CLNK: variants seen among roughly 807,000 people sequenced by gnomAD.
CLNK encodes cytokine dependent hematopoietic cell linker, also known as cytokine-dependent hematopoietic cell linker.
Under a neutral mutation model 68.6 loss-of-function variants are expected in CLNK, and 74 were observed. The ratio of observed to expected loss-of-function variants is 1.08; its 90% CI spans 0.89 to 1.31. The LOEUF is 1.31. CLNK is among the 50% of genes most tolerant of loss of function. The pLI is 0.00. For missense variants in CLNK, 553 were observed against 515.3 expected (o/e 1.07, Z -0.71); for synonymous variants, 198 against 172.2 (o/e 1.15, Z -1.17).
At chr4:10,707,232 TA>T in the CLNK span, among the ~76,000 whole-genome samples, 107 of 151,546 alleles carry the variant, frequency 7.1e-4, 1 homozygote, top group Admixed American at 9.9e-4. Context: ...ACTGATGAGC[TA>T]AAAAAAAATC....
chr4:10,673,314 G>A (rs1051987296), intron 1 of CLNK, among the ~76,000 whole-genome samples: 4 of 152,280 alleles, frequency 2.6e-5, no homozygotes, highest in African/African-American at 7.2e-5. Flanking sequence ...CTATGGAACA[G>A]GTTCTTACCC....
At chr4:10,632,993 A>G (rs540588321) in intron 2 of CLNK, among the ~76,000 whole-genome samples, 1 of 152,330 alleles carries the variant, frequency 6.6e-6, no homozygotes, top group East Asian at 1.9e-4. Flanking sequence ...GCCAGAGTGC[A>G]GGGGCGTGAT....
At chr4:10,598,706 A>C (rs1301510639) in intron 2 of CLNK, 1 of 438,896 alleles carries the variant, frequency 2.3e-6, no homozygotes, top group Non-Finnish European at 4.6e-6. Flanking sequence ...GTCATAAAGC[A>C]TCATTGTTAT....
chr4:10,589,427 G>C (rs965501666), intron 3 of CLNK, among the ~76,000 whole-genome samples: 4 of 152,148 alleles, frequency 2.6e-5, no homozygotes, highest in African/African-American at 7.2e-5. Flanking sequence ...CCTCTCAGTG[G>C]GGCCCCAGAG....
chr4:10,581,697 G>A (rs1337317489), intron 4 of CLNK, among the ~76,000 whole-genome samples: 1 of 151,718 alleles, frequency 6.6e-6, no homozygotes, highest in Non-Finnish European at 1.5e-5. Context: ...TGGTTATATG[G>A]AGCTACCACA....
At chr4:10,698,519 A>C in the CLNK span, among the ~76,000 whole-genome samples, 1 of 152,198 alleles carries the variant, frequency 6.6e-6, no homozygotes, top group Non-Finnish European at 1.5e-5. Context: ...CTGTGAAGCT[A>C]ATTTTGTTCT....
chr4:10,539,036 A>G (rs543025474), intron 11 of CLNK, among the ~76,000 whole-genome samples: 3 of 152,358 alleles, frequency 2.0e-5, no homozygotes, highest in Non-Finnish European at 2.9e-5. Context: ...TGCCAGAATC[A>G]TGCTTCCTGT....
chr4:10,672,723 C>A (rs527985628), intron 1 of CLNK, among the ~76,000 whole-genome samples: 92 of 152,198 alleles, frequency 6.0e-4, no homozygotes, highest in African/African-American at 2.2e-3. Context: ...GGGAAAAGCC[C>A]AGGTATGGAC....
Position 10,679,844 on chromosome 4 carries a change from G to A in CLNK, c.-43+4824C>T, listed in dbSNP as rs547618717. 2.7e-3 allele frequency among the ~76,000 whole-genome samples: 408 copies of A among 152,040 alleles called. 2 individuals are homozygous for A. Among genetic ancestry groups the A allele is most frequent in the Middle Eastern group, 0.01 (3 of 294 alleles). ...ACCATCTCACACCAGTTAGAATGGCGATCATTAAAAAGTCAGGAAACAACA... is the reference window on the plus strand; with the variant it reads ...ACCATCTCACACCAGTTAGAATGGCAATCATTAAAAAGTCAGGAAACAACA... On this transcript the variant is annotated intron_variant, in intron 1 of 18. Coordinates refer to ENST00000226951, the MANE Select transcript of CLNK (RefSeq NM_052964.4).
At chr4:10,630,507 A>C (rs1722844217) in intron 2 of CLNK, among the ~76,000 whole-genome samples, 2 of 152,170 alleles carry the variant, frequency 1.3e-5, no homozygotes, top group Admixed American at 1.3e-4. Context: ...TTGTGGATTC[A>C]AAAATTTTGG....
chr4:10,593,087 C>T (rs1251892879), intron 3 of CLNK, among the ~76,000 whole-genome samples: 1 of 152,178 alleles, frequency 6.6e-6, no homozygotes, highest in Non-Finnish European at 1.5e-5. Context: ...TGGAACAACA[C>T]ATTTTCTTCC....
chr4:10,688,701 C>T (rs1725355252), upstream of CLNK, among the ~76,000 whole-genome samples: 1 of 152,112 alleles, frequency 6.6e-6, no homozygotes, highest in Admixed American at 6.6e-5. Context: ...CTTGCAAATA[C>T]AGGCAGGTAA....
At chr4:10,644,674 A>T (rs1577192810) in intron 2 of CLNK, among the ~76,000 whole-genome samples, 1 of 152,220 alleles carries the variant, frequency 6.6e-6, no homozygotes, top group Admixed American at 6.5e-5. Context: ...TGCAATATTT[A>T]AAAAATAACA....
At chr4:10,681,043 G>A (rs1417635943) in intron 1 of CLNK, among the ~76,000 whole-genome samples, 3 of 152,094 alleles carry the variant, frequency 2.0e-5, no homozygotes, top group African/African-American at 7.2e-5. Flanking sequence ...GGCTTTCCAG[G>A]TGCCTGCCAA....
chr4:10,496,189 A>G (rs1446129832), intron 18 of CLNK, among the ~76,000 whole-genome samples: 4 of 152,162 alleles, frequency 2.6e-5, no homozygotes, highest in Non-Finnish European at 5.9e-5. Context: ...GTTAAATTCA[A>G]AAGTTGCAAG....
intron 8 of CLNK, among the ~76,000 whole-genome samples, chr4:10,547,153 G>T (rs1167018513): frequency 1.3e-5 from 2 of 152,140 alleles, no homozygotes; most frequent in Non-Finnish European, 2.9e-5. Flanking sequence ...GATTTGGAAG[G>T]GACACTTGAA....
chr4:10,544,969 T>C (rs1439052235), intron 8 of CLNK, among the ~76,000 whole-genome samples: 2 of 152,178 alleles, frequency 1.3e-5, no homozygotes, highest in Non-Finnish European at 2.9e-5. Flanking sequence ...CATTAATCTG[T>C]GAATGGATTG....
chr4:10,583,959 A>G (rs1720879653), intron 4 of CLNK, among the ~76,000 whole-genome samples: 1 of 152,194 alleles, frequency 6.6e-6, no homozygotes, highest in Non-Finnish European at 1.5e-5. Context: ...TCCCTCCAGG[A>G]TGCCAGTGCA....
At position 10,499,342 on chromosome 4, in the gene CLNK, C is replaced by T. The variant is rs1716941484; in HGVS notation, c.1140+1914G>A. On this transcript the variant is annotated intron_variant, in intron 18 of 18. Transcript: ENST00000226951. Reference sequence around the variant, plus strand: ...CAAGGAGGCACCCCTCTGTGCAGAACTAAAATTGCTTTGCTAAGAATCCTT... The same window carrying T: ...CAAGGAGGCACCCCTCTGTGCAGAATTAAAATTGCTTTGCTAAGAATCCTT... Among the ~76,000 whole-genome samples, 2 of 152,196 alleles carry T rather than the reference C, an allele frequency of 1.3e-5. 1 individual carries two copies. The highest frequency in any genetic ancestry group is 4.1e-4 in the South Asian group (2 of 4,832).
Sources: gnomAD v4.1 joint callset for allele counts (sites outside exome capture counted in the v4.1 genomes callset) on GRCh38, gnomAD v4.1.1 for gene constraint, MANE v1.5 for transcripts, NCBI Gene and HGNC (gene_info 2026-07-23, HGNC 2026-07-21) for gene names.